Variants in FMNL3 observed in about 807,000 individuals in gnomAD.
FMNL3 encodes formin like 3.
In FMNL3, 57 loss-of-function variants were observed where a neutral mutation model predicts 119.6. The observed-to-expected ratio is 0.48, with a 90% CI of 0.39 to 0.59. The LOEUF (loss-of-function observed/expected upper bound fraction) is 0.59. Ranked by LOEUF, FMNL3 falls within the 20% of genes least tolerant of loss-of-function variation. The pLI, the probability that FMNL3 is intolerant of heterozygous loss-of-function variation, is 0.00. For missense variants in FMNL3, 1,053 were observed against 1,323.5 expected (o/e 0.80, Z 3.17); for synonymous variants, 491 against 507.3 (o/e 0.97, Z 0.43).
chr12:49,663,566 C>A (rs575406464), intron 4 of FMNL3, among the ~76,000 whole-genome samples: 1 of 152,234 alleles, frequency 6.6e-6, no homozygotes, highest in African/African-American at 2.4e-5. Context: ...CCAGAGAAGC[C>A]GCAGTTCAGA....
At chr12:49,650,911 T>G in intron 16 of FMNL3, 33 bp from the exon 17 acceptor site, 1 of 1,611,830 alleles carries the variant, frequency 6.2e-7, no homozygotes, top group African/African-American at 1.3e-5. Context: ...GAAAACGCTG[T>G]AGCCTCATAC....
In FMNL3 at chr12:49,649,791, C is replaced by T. The variant is rs745782905; in HGVS notation, c.2135G>A (p.Arg712His). 2.7e-5 allele frequency: 43 copies of T among 1,614,084 alleles called. No individual in the cohort carries two copies. Among genetic ancestry groups the T allele is most frequent in the Non-Finnish European group, 3.3e-5 (39 of 1,180,054 alleles). ...QPLEELAAED[R>H]FMLLFSKVER... is the part of the protein sequence containing the mutation. ...CACCTTGCTGAAGAGCAGCATGAAG[C>T]GGTCCTCAGCTGCCAACTCCTCCAG... Residue 712 changes from arginine to histidine, a missense_variant, in exon 18 of 26, where the codon CGC (arginine) becomes CAC (histidine). Physicochemically the swap from Arg to His is conservative, Grantham distance 29. Transcript: ENST00000335154. The surrounding 1 kb of genome is among the most constrained non-coding windows in gnomAD (Gnocchi z 5.6).
At chr12:49,673,003 G>A (rs529973811) in intron 1 of FMNL3, among the ~76,000 whole-genome samples, 307 of 152,352 alleles carry the variant, frequency 2.0e-3, no homozygotes, top group African/African-American at 7.1e-3. Context: ...CTTTAGGGAA[G>A]CTCCAGCAGG....
rs1942687816 is a variant in FMNL3, at chr12:49,641,779, A to G, written c.*4036T>C. On this transcript the variant is annotated 3_prime_UTR_variant, in exon 26 of 26. Transcript: ENST00000335154. ...ACTTGGATAACTTGGTTTCTAATGC[A>G]GACCACAGTCCTGTGGATCTCTTCC... is the stretch of plus-strand genomic sequence containing the variant. The G allele has an allele frequency of 1.4e-6, 1 of 708,384 alleles. No homozygotes were observed. Among genetic ancestry groups the G allele is most frequent in the Admixed American group, 2.5e-5 (1 of 40,068 alleles). 43.9% of individuals were successfully genotyped at this position (708,384 alleles called of 1,614,324 possible).
rs897830555 is a variant in FMNL3, at chr12:49,681,382, T to C, written c.127-12828A>G. ...ACTCCCAGCTAAGTTTTTGTATTTT[T>C]AGTAGAGACAAGGTTTCACGGTGGT... On this transcript the variant is annotated intron_variant, in intron 1 of 25. Transcript: ENST00000335154. Among the ~76,000 whole-genome samples the C allele has an allele frequency of 4.6e-5, 7 of 152,226 alleles. No individual in the cohort carries two copies. In the East Asian group the frequency reaches 1.4e-3, roughly 29 times the overall value.
intron 1 of FMNL3, among the ~76,000 whole-genome samples, chr12:49,680,077 C>T (rs1284149417): frequency 6.6e-6 from 1 of 152,208 alleles, no homozygotes; most frequent in Non-Finnish European, 1.5e-5. Flanking sequence ...CTTGAATACA[C>T]TTGTTCCTAG....
rs749993387 is a variant in FMNL3, at chr12:49,648,311, C to T, written c.2558G>A (p.Arg853Gln). 1.4e-5 allele frequency: 22 copies of T among 1,613,140 alleles called. No individual in the cohort carries two copies. The highest frequency in any genetic ancestry group is 3.3e-5 in the Admixed American group (2 of 59,916). The change falls in exon 22 of 26, where the codon CGG becomes CAG. Residue 853 changes from arginine to glutamine, a missense_variant. Arg to Gln is a conservative substitution (Grantham distance 43). Around this residue, in one of 4 missense-constraint regions of FMNL3, gnomAD observed 324 missense variants for 380.9 expected, o/e 0.85. Transcript: ENST00000335154. The stretch of plus-strand genomic sequence containing the variant: ...CTCACGCCGAATCAGCTCCATGCCC[C>T]GGCCCAGCTCCTTCACGTCCAGCAG... ...NVLLDVKELGRGMELIRRECS... is the reference protein window; with the variant it reads ...NVLLDVKELGQGMELIRRECS...
chr12:49,642,317 G>A lies in FMNL3; in HGVS notation c.*3498C>T, dbSNP rs773685506. ...ATGCGGCGCAGGGAAGCTGCCTTTCGAAGCATGCTGAGGCAGGCTGTGCCT... is the reference window on the plus strand; with the variant it reads ...ATGCGGCGCAGGGAAGCTGCCTTTCAAAGCATGCTGAGGCAGGCTGTGCCT... On this transcript the variant is annotated 3_prime_UTR_variant, in exon 26 of 26. Transcript: ENST00000335154. The surrounding 1 kb of genome is among the most constrained non-coding windows in gnomAD (Gnocchi z 5.8). 9.9e-6 allele frequency: 16 copies of A among 1,614,012 alleles called. No homozygotes were observed. Among genetic ancestry groups the A allele is most frequent in the Middle Eastern group, 1.6e-4 (1 of 6,076 alleles).
intron 2 of FMNL3, 31 bp from the exon 3 acceptor site, chr12:49,666,238 CAA>C (rs1565880081): frequency 1.9e-6 from 3 of 1,588,700 alleles, no homozygotes; most frequent in Non-Finnish European, 2.6e-6. Flanking sequence ...TGCGTATCCA[CAA>C]AGACAACCAG....
At chr12:49,691,033 CCT>C (rs1239953004) in intron 1 of FMNL3, among the ~76,000 whole-genome samples, 2 of 152,096 alleles carry the variant, frequency 1.3e-5, no homozygotes, top group Non-Finnish European at 2.9e-5. Context: ...ACAGTAAGAC[CCT>C]GTCTGAAAAG....
chr12:49,653,993 G>A (rs1330433555), intron 11 of FMNL3, 119 bp from the exon 12 acceptor site: 25 of 1,397,890 alleles, frequency 1.8e-5, no homozygotes, highest in African/African-American at 4.3e-5. Flanking sequence ...AGTTCCTGCT[G>A]CAGGCCATGT....
intron 10 of FMNL3, 129 bp downstream of exon 10, chr12:49,654,781 A>G: frequency 1.1e-6 from 1 of 885,014 alleles, no homozygotes; most frequent in Non-Finnish European, 1.8e-6. Context: ...GACAAGAAGC[A>G]TTTGCTGAAT....
chr12:49,665,924 G>A lies in FMNL3; in HGVS notation c.292-16C>T. On this transcript the variant is annotated splice_polypyrimidine_tract_variant and intron_variant, in intron 3 of 25. Transcript: ENST00000335154. Reference sequence around the variant, plus strand: ...TCCTGAACTTCTGTAAAAAGGGTAGGAAAGGAAGGGAATACAAGAGGGCAG... The same window carrying A: ...TCCTGAACTTCTGTAAAAAGGGTAGAAAAGGAAGGGAATACAAGAGGGCAG... 1 of 1,613,360 alleles carries A rather than the reference G, an allele frequency of 6.2e-7. No homozygotes were observed. Among genetic ancestry groups the A allele is most frequent in the Non-Finnish European group, 8.5e-7 (1 of 1,179,276 alleles).
chr12:49,693,525 G>C (rs1406557524), intron 1 of FMNL3, among the ~76,000 whole-genome samples: 1 of 150,298 alleles, frequency 6.7e-6, no homozygotes, highest in African/African-American at 2.5e-5. Context: ...CTATAAGCAC[G>C]CACCACTACA....
intron 1 of FMNL3, chr12:49,688,424 C>T (rs1175568219): frequency 8.8e-6 from 4 of 456,004 alleles, no homozygotes; most frequent in Non-Finnish European, 1.8e-5. Context: ...CAAGGTCCCA[C>T]ATAATCTGGG....
At chr12:49,673,027 G>C (rs1162052130) in intron 1 of FMNL3, among the ~76,000 whole-genome samples, 4 of 152,174 alleles carry the variant, frequency 2.6e-5, no homozygotes, top group Admixed American at 2.6e-4. Context: ...TGTTTGTTTT[G>C]AGCAAATACA....
At chr12:49,671,605 C>T (rs927187070) in intron 1 of FMNL3, among the ~76,000 whole-genome samples, 1 of 152,218 alleles carries the variant, frequency 6.6e-6, no homozygotes, top group African/African-American at 2.4e-5. Flanking sequence ...GCTTTTGCCT[C>T]TACCTGATAA....
At position 49,648,294 on chromosome 12, in the gene FMNL3, G is replaced by GA; in HGVS notation, c.2574dup (p.Arg859SerfsTer3). 6.2e-7 allele frequency: 1 copy of GA among 1,613,616 alleles called. No individual in the cohort carries two copies. ...TTGTCATGGATGCTGCACTCACGCC[G>GA]AATCAGCTCCATGCCCCGGCCCAGC... is the stretch of plus-strand genomic sequence containing the variant. On this transcript the variant is annotated frameshift_variant, in exon 22 of 26. Coordinates refer to ENST00000335154, the MANE Select transcript of FMNL3 (RefSeq NM_175736.5). LOFTEE classifies it high-confidence loss of function.
In FMNL3 at chr12:49,636,647, T is replaced by G; in HGVS notation, c.*9168A>C. 6.2e-7 allele frequency: 1 copy of G among 1,600,062 alleles called. No homozygotes were observed. Among genetic ancestry groups the G allele is most frequent in the Non-Finnish European group, 8.6e-7 (1 of 1,169,456 alleles). ...CTGTAGGACAGCATCGTTGAAACAT[T>G]AGGGGTGCTGGGGTCTGAGAGGGTA... On this transcript the variant is annotated 3_prime_UTR_variant, in exon 26 of 26. Transcript: ENST00000335154.
Sources: allele counts gnomAD v4.1 joint callset (sites outside exome capture counted in the v4.1 genomes callset), GRCh38; gene constraint gnomAD v4.1.1; regional missense constraint gnomAD v4.1.1; non-coding constraint Gnocchi (gnomAD v3.1); transcripts MANE v1.5; gene names NCBI Gene and HGNC (gene_info 2026-07-23, HGNC 2026-07-21).